APOLD1: variants seen among roughly 807,000 people sequenced by gnomAD.
The protein encoded by APOLD1 is apolipoprotein L domain containing 1.
A neutral mutation model predicts 15.3 loss-of-function variants in APOLD1; 22 were observed. The ratio of observed to expected loss-of-function variants is 1.44; its 90% CI spans 1.03 to 2.05. The LOEUF (loss-of-function observed/expected upper bound fraction) is 2.05. Among genes scored for constraint, APOLD1 ranks in the 30% most tolerant of loss-of-function variants. The pLI, the probability that APOLD1 is intolerant of heterozygous loss-of-function variation, is 0.00. For synonymous variants in APOLD1, 190 were observed against 167.4 expected (o/e 1.13, Z -1.04); for missense variants, 394 against 353.5 (o/e 1.11, Z -0.92).
rs1326201089 is a variant in APOLD1, at chr12:12,787,511, G to A, written c.606G>A (p.Leu202=). 4 of 1,614,064 alleles carry A rather than the reference G, an allele frequency of 2.5e-6. No individual in the cohort carries two copies. Among genetic ancestry groups the A allele is most frequent in the Non-Finnish European group, 3.4e-6 (4 of 1,180,036 alleles). Residue 202 remains leucine, a synonymous_variant, in exon 2 of 2, where the codon CTG becomes CTA. Transcript: ENST00000356591. The surrounding 1 kb of genome is among the most constrained non-coding windows in gnomAD (Gnocchi z 4.9). ...QAVLKAKIQK[L]AESLESCTGA... is the part of the protein sequence containing the mutation. ...TGCTGAAGGCCAAGATTCAGAAACT[G>A]GCCGAGAGCCTGGAGTCCTGCACCG...
chr12:12,787,591 A>T lies in APOLD1; in HGVS notation c.686A>T (p.Lys229Met), dbSNP rs1947143705. 1.2e-6 allele frequency: 2 copies of T among 1,612,098 alleles called. No individual in the cohort carries two copies. Among genetic ancestry groups the T allele is most frequent in the Non-Finnish European group, 1.7e-6 (2 of 1,180,000 alleles). Residue 229 changes from lysine to methionine, a missense_variant, in exon 2 of 2, where the codon AAG becomes ATG. By Grantham distance (95) the Lys-to-Met change is moderately conservative. Transcript: ENST00000356591. The surrounding 1 kb of genome is among the most constrained non-coding windows in gnomAD (Gnocchi z 4.9). ...GAGTCTCGGGTTCAGCTCTGCACCA[A>T]GTCCAGTCGTGGCCACGACCTCAAG... Reference protein sequence around the residue: ...QLESRVQLCTKSSRGHDLKIS... With the variant: ...QLESRVQLCTMSSRGHDLKIS...
At chr12:12,778,099 A>AT (rs1274690710) in intron 1 of APOLD1, among the ~76,000 whole-genome samples, 1 of 149,296 alleles carries the variant, frequency 6.7e-6, no homozygotes, top group Non-Finnish European at 1.5e-5. Context: ...TATTTTTTTT[A>AT]TTTTTTATTT....
At chr12:12,728,614 G>T (rs1192410029) in intron 1 of APOLD1, among the ~76,000 whole-genome samples, 1 of 139,258 alleles carries the variant, frequency 7.2e-6, no homozygotes, top group East Asian at 2.0e-4. Context: ...GTTGCAGTGA[G>T]CCGAGATCAT....
intron 1 of APOLD1, 74 bp from the exon 2 acceptor site, chr12:12,786,835 G>A: frequency 7.5e-7 from 1 of 1,340,894 alleles, no homozygotes; most frequent in East Asian, 3.1e-5. Context: ...GTTCCCGCTG[G>A]CGTCCGGGCA....
At position 12,726,311 on chromosome 12, in the gene APOLD1, A is replaced by G. The variant is rs1476299637; in HGVS notation, c.96+215A>G. ...TTGATTTCCAGAGCGTTTTTGCGGG[A>G]GGAATATGTTAAAACAAACTCAAGA... On this transcript the variant is annotated intron_variant, in intron 1 of 1. Coordinates refer to the APOLD1 transcript ENST00000326765. 1.4e-5 allele frequency: 9 copies of G among 660,826 alleles called. No homozygotes were observed. In the East Asian group the frequency reaches 1.7e-4, roughly 13 times the overall value. The allele number at this position is 660,826 out of a possible 1,614,324, so 40.9% of individuals were successfully genotyped here. A position where few individuals can be genotyped will look rare whatever the true frequency, so the allele number is the denominator to read the frequency against.
intron 1 of APOLD1, among the ~76,000 whole-genome samples, chr12:12,777,998 A>G (rs1947051115): frequency 6.8e-6 from 1 of 147,890 alleles, no homozygotes; most frequent in East Asian, 2.0e-4. Flanking sequence ...GTCTCGGCTC[A>G]CTGCAACCTC....
chr12:12,730,030 G>C (rs1282073960), intron 1 of APOLD1, among the ~76,000 whole-genome samples: 1 of 24,076 alleles, frequency 4.2e-5, no homozygotes, highest in Non-Finnish European at 8.2e-5. Flanking sequence ...CTAACTTTGT[G>C]TGTGTGTGTG....
At chr12:12,770,567 G>GAAAAAAAAAAAAAAGAAAAA (rs1946979593) in intron 1 of APOLD1, among the ~76,000 whole-genome samples, 1 of 119,272 alleles carries the variant, frequency 8.4e-6, no homozygotes, top group Admixed American at 8.4e-5. Flanking sequence ...AAAAAAGACT[G>GAAAAAAAAAAAAAAGAAAAA]AAAAAAAAAA....
chr12:12,780,641 T>G (rs972750519), intron 1 of APOLD1, among the ~76,000 whole-genome samples: 1 of 148,450 alleles, frequency 6.7e-6, no homozygotes, highest in African/African-American at 2.5e-5. Context: ...CAGGCTGGAG[T>G]GCAGTGGAGC....
chr12:12,776,026 A>AAAAC (rs1947031202), intron 1 of APOLD1, among the ~76,000 whole-genome samples: 4 of 145,718 alleles, frequency 2.7e-5, no homozygotes, highest in South Asian at 4.4e-4. Context: ...AAAAAAAAAA[A>AAAAC]CACAACAAAC....
At position 12,772,143 on chromosome 12, in the gene APOLD1, G is replaced by A. The variant is rs114125506; in HGVS notation, c.97-14766G>A. The stretch of plus-strand genomic sequence containing the variant: ...AAATATAGTAGATGTTAACCAAACC[G>A]TATTAACAATCACTTTGAATGTCAG... On this transcript the variant is annotated intron_variant, in intron 1 of 1. Coordinates refer to the APOLD1 transcript ENST00000326765. Among the ~76,000 whole-genome samples, 1,024 of 152,148 alleles carry A rather than the reference G, an allele frequency of 6.7e-3. 10 individuals are homozygous for A. The highest frequency in any genetic ancestry group is 0.022 in the African/African-American group (921 of 41,516).
intron 1 of APOLD1, among the ~76,000 whole-genome samples, chr12:12,773,952 C>A (rs919850340): frequency 6.6e-6 from 1 of 152,098 alleles, no homozygotes; most frequent in African/African-American, 2.4e-5. Flanking sequence ...TAAAATGGGT[C>A]ACAGACCTAA....
chr12:12,770,185 A>G (rs1273287355), intron 1 of APOLD1, among the ~76,000 whole-genome samples: 2 of 152,122 alleles, frequency 1.3e-5, no homozygotes, highest in Non-Finnish European at 2.9e-5. Context: ...CGAGGCGGGC[A>G]GATCACGAAG....
intron 1 of APOLD1, among the ~76,000 whole-genome samples, chr12:12,762,502 G>A (rs990166350): frequency 3.3e-5 from 5 of 151,890 alleles, no homozygotes; most frequent in South Asian, 2.1e-4. Context: ...TTATAGACGC[G>A]CACCACCACA....
At chr12:12,727,778 T>A (rs377354003) in intron 1 of APOLD1, among the ~76,000 whole-genome samples, 5 of 116,146 alleles carry the variant, frequency 4.3e-5, no homozygotes, top group South Asian at 2.9e-4. Flanking sequence ...TTTTTTTTTT[T>A]AACTTTGTAG....
chr12:12,730,201 A>G (rs1946627844), intron 1 of APOLD1, among the ~76,000 whole-genome samples: 1 of 152,026 alleles, frequency 6.6e-6, no homozygotes, highest in Non-Finnish European at 1.5e-5. Flanking sequence ...GGCATGAGCC[A>G]TCATGCCTGG....
At chr12:12,737,212 A>G (rs561525781) in intron 1 of APOLD1, among the ~76,000 whole-genome samples, 2 of 85,592 alleles carry the variant, frequency 2.3e-5, no homozygotes, top group South Asian at 1.1e-3. Context: ...ATAGAAATAA[A>G]CAACCCAGAG....
At chr12:12,774,546 C>CAAAAAAAAAAAAAAAAAAAAAAAAAAAAA (rs57343706) in intron 1 of APOLD1, among the ~76,000 whole-genome samples, 33 of 42,292 alleles carry the variant, frequency 7.8e-4, no homozygotes, top group Non-Finnish European at 1.1e-3. Flanking sequence ...ACTCTAACTC[C>CAAAAAAAAAAAAAAAAAAAAAAAAAAAAA]AAAAAAAAAA....
intron 1 of APOLD1, among the ~76,000 whole-genome samples, chr12:12,765,812 G>A (rs1946939464): frequency 6.6e-6 from 1 of 152,224 alleles, no homozygotes; most frequent in African/African-American, 2.4e-5. Flanking sequence ...TGAGGCTGCA[G>A]TGAGCCACGA....
Sources: allele counts gnomAD v4.1 joint callset (sites outside exome capture counted in the v4.1 genomes callset), GRCh38; gene constraint gnomAD v4.1.1; non-coding constraint Gnocchi (gnomAD v3.1); transcripts MANE v1.5; gene names NCBI Gene and HGNC (gene_info 2026-07-23, HGNC 2026-07-21).